Variants in TPTE observed in about 807,000 individuals in gnomAD.
The protein encoded by TPTE is transmembrane phosphatase with tensin homology, also known as putative tyrosine-protein phosphatase TPTE.
TPTE carries 59 observed loss-of-function variants against 84.1 expected under a neutral mutation model. The observed-to-expected ratio is 0.70, with a 90% CI of 0.57 to 0.87. The LOEUF is 0.87. TPTE is among the 40% of genes least tolerant of loss of function. The pLI, the probability that TPTE is intolerant of heterozygous loss-of-function variation, is 0.00. For missense variants in TPTE, 382 were observed against 659.6 expected (o/e 0.58, Z 4.61); for synonymous variants, 130 against 223.5 (o/e 0.58, Z 3.73).
intron 2 of TPTE, among the ~76,000 whole-genome samples, chr21:10,526,774 CT>C (rs2074086299): frequency 6.6e-6 from 1 of 152,292 alleles, no homozygotes; most frequent in Admixed American, 6.5e-5. Flanking sequence ...TGGCAAAATG[CT>C]GAATATTCAG....
intron 21 of TPTE, among the ~76,000 whole-genome samples, chr21:10,600,072 TG>T (rs1309267418): frequency 1.3e-5 from 2 of 152,262 alleles, no homozygotes; most frequent in African/African-American, 4.8e-5. Context: ...CACAAGATGC[TG>T]GGATTATAAA....
chr21:10,566,960 A>G (rs1383829170), intron 10 of TPTE, among the ~76,000 whole-genome samples: 1 of 151,944 alleles, frequency 6.6e-6, no homozygotes. Context: ...CTGGGCAACA[A>G]GAGTGAAACT....
At chr21:10,556,646 T>A (rs1342613161) in intron 8 of TPTE, among the ~76,000 whole-genome samples, 2 of 152,312 alleles carry the variant, frequency 1.3e-5, no homozygotes, top group Non-Finnish European at 2.9e-5. Flanking sequence ...TGAACTAGTT[T>A]ACAGTCCCAC....
intron 17 of TPTE, among the ~76,000 whole-genome samples, chr21:10,581,520 TTA>T (rs2075270870): frequency 6.6e-6 from 1 of 152,312 alleles, no homozygotes; most frequent in African/African-American, 2.4e-5. Flanking sequence ...AGCCTCTTTT[TTA>T]TGTGTTCATT....
At chr21:10,536,655 A>G (rs2074272326) in intron 3 of TPTE, among the ~76,000 whole-genome samples, 1 of 152,306 alleles carries the variant, frequency 6.6e-6, no homozygotes, top group African/African-American at 2.4e-5. Flanking sequence ...GCTCAGGATC[A>G]TCTATGGCCA....
intron 3 of TPTE, among the ~76,000 whole-genome samples, chr21:10,534,995 G>A (rs1022323790): frequency 2.0e-5 from 3 of 152,308 alleles, no homozygotes; most frequent in African/African-American, 4.8e-5. Flanking sequence ...TAGTCCTAGG[G>A]ACTAGAAATC....
At chr21:10,601,347 A>G (rs1978477042) in intron 21 of TPTE, among the ~76,000 whole-genome samples, 1 of 152,310 alleles carries the variant, frequency 6.6e-6, no homozygotes, top group African/African-American at 2.4e-5. Flanking sequence ...TACTAAAAAT[A>G]CAAAAATTAG....
chr21:10,576,300 C>T, intron 14 of TPTE: 1 of 223,416 alleles, frequency 4.5e-6, no homozygotes, highest in South Asian at 6.1e-5. Context: ...ATGGGTGATG[C>T]TGAGAAAGGC....
intron 8 of TPTE, among the ~76,000 whole-genome samples, chr21:10,553,564 A>G (rs2074621516): frequency 6.6e-6 from 1 of 152,310 alleles, no homozygotes; most frequent in South Asian, 2.1e-4. Flanking sequence ...TAAGCAAGGC[A>G]AGCATTTCCT....
chr21:10,539,303 C>T (rs2074324280), intron 4 of TPTE, among the ~76,000 whole-genome samples: 1 of 152,312 alleles, frequency 6.6e-6, no homozygotes, highest in Admixed American at 6.5e-5. Context: ...AGAGCTCTGT[C>T]AACATATGAG....
intron 17 of TPTE, among the ~76,000 whole-genome samples, chr21:10,586,635 T>A (rs2075371139): frequency 6.6e-6 from 1 of 152,308 alleles, no homozygotes; most frequent in Non-Finnish European, 1.5e-5. Context: ...AATAATATAA[T>A]TCTTTCCTTC....
chr21:10,601,588 C>T (rs1978521714), intron 21 of TPTE, among the ~76,000 whole-genome samples: 1 of 152,308 alleles, frequency 6.6e-6, no homozygotes. Flanking sequence ...GGTGCAGTGG[C>T]TCATGCCTGT....
Position 10,552,013 on chromosome 21 carries a change from C to T in TPTE, c.174-644C>T, listed in dbSNP as rs185286527. Among the ~76,000 whole-genome samples the T allele has an allele frequency of 4.6e-5, 7 of 152,422 alleles. No homozygotes were observed. In the East Asian group the frequency reaches 9.6e-4, roughly 21 times the overall value. On this transcript the variant is annotated intron_variant, in intron 7 of 23. Transcript: ENST00000618007. ...TTGCTACAGCAAACTTCATTGTTGT[C>T]CTATTTTAAGAAATTGTCTCAGCCA...
chr21:10,525,899 C>G (rs557849137), intron 2 of TPTE, among the ~76,000 whole-genome samples: 1 of 152,424 alleles, frequency 6.6e-6, no homozygotes, highest in East Asian at 1.9e-4. Context: ...AAGGAACTTG[C>G]TTAGCAATCC....
At chr21:10,576,938 C>G (rs186162793) in intron 14 of TPTE, among the ~76,000 whole-genome samples, 1,281 of 149,170 alleles carry the variant, frequency 8.6e-3, no homozygotes, top group South Asian at 0.045. Flanking sequence ...AACAAATGAG[C>G]CAAAAAAGTC....
intron 19 of TPTE, among the ~76,000 whole-genome samples, chr21:10,594,550 A>G (rs1457061006): frequency 1.3e-5 from 2 of 152,310 alleles, no homozygotes; most frequent in African/African-American, 2.4e-5. Context: ...TGGGAGCACA[A>G]GCAGCTTGAG....
intron 7 of TPTE, among the ~76,000 whole-genome samples, chr21:10,551,658 ACC>A (rs1202268835): frequency 6.6e-6 from 1 of 152,296 alleles, no homozygotes; most frequent in Non-Finnish European, 1.5e-5. Flanking sequence ...ATATCAACAA[ACC>A]ATTAGCTAGA....
chr21:10,565,494 T>A (rs562105938), intron 10 of TPTE, among the ~76,000 whole-genome samples: 11 of 152,420 alleles, frequency 7.2e-5, no homozygotes, highest in African/African-American at 2.6e-4. Flanking sequence ...TTCACAGAAA[T>A]AGAAGAAACA....
chr21:10,590,113 T>G (rs1190834280), intron 17 of TPTE, among the ~76,000 whole-genome samples: 2 of 152,308 alleles, frequency 1.3e-5, no homozygotes, highest in Admixed American at 6.5e-5. Context: ...ATCAGTTATA[T>G]TAACGTACTA....
Sources: allele counts gnomAD v4.1 joint callset (sites outside exome capture counted in the v4.1 genomes callset), GRCh38; gene constraint gnomAD v4.1.1; transcripts MANE v1.5; gene names NCBI Gene and HGNC (gene_info 2026-07-23, HGNC 2026-07-21).